AKAP6: variants seen among roughly 807,000 people sequenced by gnomAD.
AKAP6 encodes the protein A-kinase anchor protein 6.
A neutral mutation model predicts 188.5 loss-of-function variants in AKAP6; 58 were observed. The observed-to-expected ratio is 0.31, with a 90% CI of 0.25 to 0.38. AKAP6 has a LOEUF of 0.38. Among genes scored for constraint, AKAP6 ranks in the 10% least tolerant of loss-of-function variants. AKAP6 has a pLI of 1.00. For missense variants in AKAP6, 2,710 were observed against 2,740.0 expected, an observed-to-expected ratio of 0.99 and a Z score of 0.24; for synonymous variants, 989 against 998.6, an observed-to-expected ratio of 0.99 and a Z score of 0.18.
At chr14:32,369,443 T>C (rs1337858100) in intron 1 of AKAP6, among the ~76,000 whole-genome samples, 1 of 152,242 alleles carries the variant, frequency 6.6e-6, no homozygotes, top group Admixed American at 6.5e-5. Flanking sequence ...TAGATAGGTA[T>C]ACATATGGAT....
At chr14:32,779,793 A>G (rs2033185684) in intron 12 of AKAP6, among the ~76,000 whole-genome samples, 1 of 152,192 alleles carries the variant, frequency 6.6e-6, no homozygotes, top group Non-Finnish European at 1.5e-5. Context: ...ACTTGGAATG[A>G]TACTATAAAG....
intron 7 of AKAP6, among the ~76,000 whole-genome samples, chr14:32,638,310 T>A (rs1213924194): frequency 6.6e-6 from 1 of 152,032 alleles, no homozygotes; most frequent in Non-Finnish European, 1.5e-5. Context: ...AAACTTCCAT[T>A]CTGATAAGGG....
At chr14:32,497,673 A>G (rs1880394483) in intron 2 of AKAP6, among the ~76,000 whole-genome samples, 1 of 151,924 alleles carries the variant, frequency 6.6e-6, no homozygotes, top group South Asian at 2.1e-4. Flanking sequence ...TCTTCTCTCT[A>G]TGCCCTTAGT....
At chr14:32,586,080 G>A (rs1333260461) in intron 5 of AKAP6, among the ~76,000 whole-genome samples, 1 of 152,156 alleles carries the variant, frequency 6.6e-6, no homozygotes, top group African/African-American at 2.4e-5. Flanking sequence ...ACTGGATGAG[G>A]TTCGTGGCTT....
At chr14:32,593,242 G>A (rs1885562192) in intron 5 of AKAP6, among the ~76,000 whole-genome samples, 1 of 152,158 alleles carries the variant, frequency 6.6e-6, no homozygotes, top group Non-Finnish European at 1.5e-5. Context: ...TGAATCTAAG[G>A]CAGTGTCAGT....
At chr14:32,460,232 C>G (rs943252911) in intron 2 of AKAP6, among the ~76,000 whole-genome samples, 2 of 152,068 alleles carry the variant, frequency 1.3e-5, no homozygotes, top group African/African-American at 4.8e-5. Context: ...GACAAACAAC[C>G]CTGTTTCTTC....
At chr14:32,674,604 A>G (rs1255997336) in intron 7 of AKAP6, among the ~76,000 whole-genome samples, 2 of 152,180 alleles carry the variant, frequency 1.3e-5, no homozygotes, top group African/African-American at 2.4e-5. Flanking sequence ...GTTTAAAACG[A>G]AAGGTTTTAT....
At chr14:32,581,480 G>A (rs928292851) in intron 5 of AKAP6, among the ~76,000 whole-genome samples, 2 of 152,070 alleles carry the variant, frequency 1.3e-5, no homozygotes, top group African/African-American at 4.8e-5. Flanking sequence ...GTTGATTTGG[G>A]GTGGAGAGTT....
intron 9 of AKAP6, among the ~76,000 whole-genome samples, chr14:32,725,287 G>A (rs1312530825): frequency 6.6e-6 from 1 of 152,186 alleles, no homozygotes; most frequent in Non-Finnish European, 1.5e-5. Context: ...CCGAGGTCAT[G>A]TCAAGGTTAG....
intron 13 of AKAP6, among the ~76,000 whole-genome samples, 172 bp downstream of exon 13, chr14:32,824,987 GAAA>G (rs11438269): frequency 1.4e-5 from 2 of 145,362 alleles, no homozygotes; most frequent in Non-Finnish European, 3.0e-5. Flanking sequence ...TGAAGCAAAA[GAAA>G]AAAAAAACAG....
At chr14:32,797,730 A>C (rs2033814021) in intron 12 of AKAP6, among the ~76,000 whole-genome samples, 1 of 152,090 alleles carries the variant, frequency 6.6e-6, no homozygotes, top group Admixed American at 6.6e-5. Flanking sequence ...GCACATGTTT[A>C]CCTATGTAGC....
At chr14:32,602,002 A>T (rs983215805) in intron 7 of AKAP6, among the ~76,000 whole-genome samples, 12 of 152,278 alleles carry the variant, frequency 7.9e-5, no homozygotes, top group African/African-American at 2.9e-4. Flanking sequence ...GCATTTCAGG[A>T]AGTACTTGAA....
chr14:32,420,748 CT>C (rs1440623032), intron 1 of AKAP6, among the ~76,000 whole-genome samples: 2 of 152,094 alleles, frequency 1.3e-5, no homozygotes, highest in African/African-American at 2.4e-5. Context: ...CCCTTCTTGC[CT>C]AGTATACCGC....
chr14:32,775,446 T>C (rs1251293143), intron 12 of AKAP6, among the ~76,000 whole-genome samples: 2 of 151,764 alleles, frequency 1.3e-5, no homozygotes, highest in Non-Finnish European at 2.9e-5. Flanking sequence ...TTTTTTTTTT[T>C]TTCAAGGATG....
chr14:32,332,954 C>T (rs1005994065), intron 1 of AKAP6, among the ~76,000 whole-genome samples: 3 of 152,088 alleles, frequency 2.0e-5, no homozygotes, highest in African/African-American at 4.8e-5. Flanking sequence ...CCACGCCCAG[C>T]GTCATTATTG....
At chr14:32,738,704 A>G (rs534575784) in intron 11 of AKAP6, among the ~76,000 whole-genome samples, 3 of 152,120 alleles carry the variant, frequency 2.0e-5, no homozygotes, top group African/African-American at 7.2e-5. Flanking sequence ...GTCTTTAAGT[A>G]CAAATTCCCA....
At chr14:32,470,112 A>G (rs1301017964) in intron 2 of AKAP6, among the ~76,000 whole-genome samples, 2 of 152,136 alleles carry the variant, frequency 1.3e-5, no homozygotes, top group Non-Finnish European at 2.9e-5. Flanking sequence ...CACCCTCAAC[A>G]GAATCTTCAT....
chr14:32,427,190 G>A (rs1490407728), intron 1 of AKAP6, among the ~76,000 whole-genome samples: 1 of 152,120 alleles, frequency 6.6e-6, no homozygotes, highest in African/African-American at 2.4e-5. Flanking sequence ...CCACTTGTAG[G>A]CTGGCCTGTT....
At chr14:32,377,709 G>T (rs1888204693) in intron 1 of AKAP6, among the ~76,000 whole-genome samples, 1 of 152,272 alleles carries the variant, frequency 6.6e-6, no homozygotes, top group South Asian at 2.1e-4. Flanking sequence ...CCTACTTCTG[G>T]AGAACACCAG....
Sources: allele counts gnomAD v4.1 joint callset (sites outside exome capture counted in the v4.1 genomes callset), GRCh38; gene constraint gnomAD v4.1.1; transcripts MANE v1.5; gene names NCBI Gene and HGNC (gene_info 2026-07-23, HGNC 2026-07-21).